Variants in MSTO1 observed in about 807,000 individuals in gnomAD.
The protein encoded by MSTO1 is protein misato homolog 1.
MSTO1 carries 24 observed loss-of-function variants against 55.7 expected under a neutral mutation model. The ratio of observed to expected loss-of-function variants is 0.43; its 90% CI spans 0.31 to 0.61. The LOEUF (loss-of-function observed/expected upper bound fraction) is 0.61, where lower values mean the gene tolerates loss of function less well. Among genes scored for constraint, MSTO1 ranks in the 20% least tolerant of loss-of-function variants. The probability of loss-of-function intolerance (pLI) is 0.09; values close to 1 mark genes in which losing one functional copy is unlikely to be tolerated. For missense variants in MSTO1, 363 were observed against 625.7 expected, an observed-to-expected ratio of 0.58 and a Z score of 4.48; for synonymous variants, 162 against 252.8, an observed-to-expected ratio of 0.64 and a Z score of 3.41.
At chr1:155,598,998 C>A in the MSTO1 span, 1 of 781,902 alleles carries the variant, frequency 1.3e-6, no homozygotes, top group Non-Finnish European at 2.0e-6. Flanking sequence ...AATTTTCTAA[C>A]GGGGATCTGA....
chr1:155,598,923 C>T, the MSTO1 span: 2 of 1,398,926 alleles, frequency 1.4e-6, no homozygotes, highest in African/African-American at 1.4e-5. Context: ...ATGGTAAGAA[C>T]TTCCTGTCTT....
chr1:155,593,398 C>G, the MSTO1 span, among the ~76,000 whole-genome samples: 1 of 152,238 alleles, frequency 6.6e-6, no homozygotes, highest in African/African-American at 2.4e-5. Context: ...ACATGTGTAA[C>G]GTAACATGAT....
At chr1:155,571,526 T>A in the MSTO1 span, among the ~76,000 whole-genome samples, 1 of 152,128 alleles carries the variant, frequency 6.6e-6, no homozygotes, top group African/African-American at 2.4e-5. Context: ...ACCACTGCAC[T>A]CAAGCCTTGG....
the MSTO1 span, among the ~76,000 whole-genome samples, chr1:155,574,398 T>C: frequency 2.0e-5 from 3 of 152,156 alleles, no homozygotes; most frequent in Admixed American, 2.0e-4. Flanking sequence ...ATAAAATCTG[T>C]AGTTTAGTAA....
chr1:155,611,352 G>T, intron 4 of MSTO1, 61 bp downstream of exon 4: 1 of 1,613,734 alleles, frequency 6.2e-7, no homozygotes, highest in African/African-American at 1.3e-5. Flanking sequence ...CTCCATAGGG[G>T]CAGGTAAACG....
chr1:155,570,809 C>T, the MSTO1 span, among the ~76,000 whole-genome samples: 1 of 151,982 alleles, frequency 6.6e-6, no homozygotes, highest in African/African-American at 2.4e-5. Flanking sequence ...GTGATCAGTA[C>T]TCTGTATGGT....
chr1:155,586,974 C>G, the MSTO1 span, among the ~76,000 whole-genome samples: 1 of 152,180 alleles, frequency 6.6e-6, no homozygotes, highest in South Asian at 2.1e-4. Context: ...TCTCAAACTC[C>G]TGGCCTCAAG....
the MSTO1 span, among the ~76,000 whole-genome samples, chr1:155,604,238 C>A: frequency 6.6e-6 from 1 of 152,112 alleles, no homozygotes; most frequent in South Asian, 2.1e-4. Context: ...GCCTTTCTGG[C>A]CTCACCTTCC....
the MSTO1 span, among the ~76,000 whole-genome samples, chr1:155,569,040 G>T: frequency 4.0e-5 from 6 of 151,816 alleles, no homozygotes; most frequent in African/African-American, 1.5e-4. Context: ...TTTTAGTAGA[G>T]CCGGGGTTTC....
chr1:155,613,504 A>T lies in MSTO1; in HGVS notation c.1326A>T (p.Ala442=). 1 of 1,613,858 alleles carries T rather than the reference A, an allele frequency of 6.2e-7. No individual in the cohort carries two copies. Among genetic ancestry groups the T allele is most frequent in the Admixed American group, 1.7e-5 (1 of 59,972 alleles). The stretch of plus-strand genomic sequence containing the variant: ...CACCTCCACCCTCTGCCCTTCATGC[A>T]TGTACCACTGGGGAAGAAATCTTGG... ...PGTPPPSALH[A]CTTGEEILAQ... is the part of the protein sequence containing the mutation. The change falls in exon 12 of 14, where the codon GCA becomes GCT. Residue 442 remains alanine (A), a synonymous_variant. Transcript: ENST00000245564.
At chr1:155,600,115 C>G in the MSTO1 span, among the ~76,000 whole-genome samples, 1 of 152,212 alleles carries the variant, frequency 6.6e-6, no homozygotes, top group Non-Finnish European at 1.5e-5. Context: ...ACGGTCAGGT[C>G]TTTCCCTTCC....
At chr1:155,571,870 C>T in the MSTO1 span, among the ~76,000 whole-genome samples, 2 of 151,882 alleles carry the variant, frequency 1.3e-5, no homozygotes, top group African/African-American at 4.8e-5. Flanking sequence ...GGTGAAACCT[C>T]ATCTCTACTA....
rs2148994621 is a variant in MSTO1 at position 155,613,198 on chromosome 1, G to A, written c.1248G>A (p.Val416=). ...GAACACGTTGCTTTGCCCAGTCAGT[G>A]GTGCTGAGGGGTATAGACAGAGCAT... is the stretch of plus-strand genomic sequence containing the variant. ...PSGTRCFAQS[V]VLRGIDRACH... is the part of the protein sequence containing the mutation. Residue 416 remains valine (V), a synonymous_variant, in exon 11 of 14, where the codon GTG becomes GTA. Transcript: ENST00000245564. The A allele has an allele frequency of 6.2e-7, 1 of 1,614,132 alleles. No individual in the cohort carries two copies. Among genetic ancestry groups the A allele is most frequent in the East Asian group, 2.2e-5 (1 of 44,886 alleles).
chr1:155,609,244 T>TATATATATATATATATATATATA (rs1553289697), upstream of MSTO1, among the ~76,000 whole-genome samples: 4 of 15,080 alleles, frequency 2.7e-4, no homozygotes, highest in Admixed American at 8.0e-4. Flanking sequence ...TATATATATA[T>TATATATATATATATATATATATA]TTTTTTTTTT....
chr1:155,581,312 T>C, the MSTO1 span, among the ~76,000 whole-genome samples: 6 of 152,180 alleles, frequency 3.9e-5, no homozygotes, highest in Non-Finnish European at 8.8e-5. Context: ...AGAACTCTTT[T>C]GTCTTGGAAT....
the MSTO1 span, among the ~76,000 whole-genome samples, chr1:155,582,195 A>G: frequency 6.6e-6 from 1 of 151,286 alleles, no homozygotes; most frequent in Admixed American, 6.6e-5. Context: ...CCGGCCAACC[A>G]TCAGTCATTT....
chr1:155,591,757 T>A, the MSTO1 span, among the ~76,000 whole-genome samples: 36 of 150,802 alleles, frequency 2.4e-4, no homozygotes, highest in Admixed American at 9.3e-4. Context: ...ACCATTGCAC[T>A]CCAGCCTGGG....
At chr1:155,609,243 A>ATATATATATATATT (rs59756178), upstream of MSTO1, among the ~76,000 whole-genome samples, 8 of 54,574 alleles carry the variant, frequency 1.5e-4, no homozygotes, top group East Asian at 1.9e-3. Context: ...ATATATATAT[A>ATATATATATATATT]TTTTTTTTTT....
chr1:155,588,225 AAG>A, the MSTO1 span, among the ~76,000 whole-genome samples: 1 of 151,856 alleles, frequency 6.6e-6, no homozygotes, highest in Non-Finnish European at 1.5e-5. Flanking sequence ...AAAAAAAAAA[AAG>A]TTGCCAATTT....
Sources: gnomAD v4.1 joint callset for allele counts (sites outside exome capture counted in the v4.1 genomes callset) on GRCh38, gnomAD v4.1.1 for gene constraint, MANE v1.5 for transcripts, NCBI Gene and HGNC (gene_info 2026-07-23, HGNC 2026-07-21) for gene names.